KIFAP3: variants seen among roughly 807,000 people sequenced by gnomAD.
KIFAP3 encodes kinesin associated protein 3.
Under a neutral mutation model 106.5 loss-of-function variants are expected in KIFAP3, and 68 were observed. The ratio of observed to expected loss-of-function variants is 0.64; its 90% CI spans 0.53 to 0.78. The LOEUF is 0.78. KIFAP3 is among the 30% of genes least tolerant of loss of function. The pLI, the probability that KIFAP3 is intolerant of heterozygous loss-of-function variation, is 0.00. For synonymous variants in KIFAP3, 320 were observed against 311.5 expected (o/e 1.03, Z -0.29); for missense variants, 780 against 941.8 (o/e 0.83, Z 2.25).
chr1:170,016,055 C>G (rs919825524), intron 10 of KIFAP3, among the ~76,000 whole-genome samples: 4 of 151,868 alleles, frequency 2.6e-5, no homozygotes, highest in African/African-American at 7.3e-5. Flanking sequence ...AACTTAGTAA[C>G]AAAAAGTTTC....
At chr1:169,989,741 G>A (rs960391215) in intron 11 of KIFAP3, among the ~76,000 whole-genome samples, 1 of 151,958 alleles carries the variant, frequency 6.6e-6, no homozygotes, top group East Asian at 1.9e-4. Flanking sequence ...TGATATAAAA[G>A]TCTAAGAAAT....
At chr1:170,005,535 T>C (rs1439324599) in intron 10 of KIFAP3, among the ~76,000 whole-genome samples, 3 of 151,732 alleles carry the variant, frequency 2.0e-5, no homozygotes, top group Non-Finnish European at 4.4e-5. Flanking sequence ...CCATAAAAAA[T>C]GATGAGTTCA....
At chr1:169,988,777 A>G (rs1479117303) in intron 11 of KIFAP3, among the ~76,000 whole-genome samples, 1 of 152,016 alleles carries the variant, frequency 6.6e-6, no homozygotes, top group East Asian at 1.9e-4. Flanking sequence ...CTCTTTAAAT[A>G]TGTAAAATTT....
At chr1:170,080,095 A>G (rs957377632) in intron 1 of KIFAP3, among the ~76,000 whole-genome samples, 2 of 152,122 alleles carry the variant, frequency 1.3e-5, no homozygotes, top group Non-Finnish European at 2.9e-5. Flanking sequence ...TAAAGTTACT[A>G]CAAAAATCAA....
At chr1:169,946,835 G>A (rs1261812816) in intron 19 of KIFAP3, among the ~76,000 whole-genome samples, 1 of 151,764 alleles carries the variant, frequency 6.6e-6, no homozygotes, top group East Asian at 1.9e-4. Flanking sequence ...AAAAGTAATT[G>A]GGACAGCTAC....
At chr1:170,050,430 T>C (rs1022544070) in intron 2 of KIFAP3, among the ~76,000 whole-genome samples, 2 of 152,128 alleles carry the variant, frequency 1.3e-5, no homozygotes, top group South Asian at 2.1e-4. Flanking sequence ...CAGGATATTA[T>C]CCAGGAGAGC....
chr1:170,011,512 AATAT>A (rs1668240889), intron 10 of KIFAP3, among the ~76,000 whole-genome samples: 1 of 151,844 alleles, frequency 6.6e-6, no homozygotes, highest in African/African-American at 2.4e-5. Context: ...TATAATATGT[AATAT>A]ATAGACATAT....
chr1:169,996,489 A>C (rs1667378797), intron 10 of KIFAP3, among the ~76,000 whole-genome samples: 1 of 152,162 alleles, frequency 6.6e-6, no homozygotes, highest in East Asian at 1.9e-4. Context: ...AGTTTTTCTC[A>C]TTTAGACCTT....
upstream of KIFAP3, among the ~76,000 whole-genome samples, chr1:170,076,671 C>T (rs1671922790): frequency 6.6e-6 from 1 of 152,108 alleles, no homozygotes; most frequent in Non-Finnish European, 1.5e-5. Flanking sequence ...ATTTCACCTC[C>T]TTTTAACAAG....
intron 16 of KIFAP3, among the ~76,000 whole-genome samples, chr1:169,977,473 G>A (rs1040832567): frequency 2.6e-5 from 4 of 151,978 alleles, no homozygotes; most frequent in Admixed American, 6.6e-5. Flanking sequence ...TTAACGTTAC[G>A]GGCATTTTTT....
chr1:169,986,054 A>G (rs1269194246), intron 11 of KIFAP3, among the ~76,000 whole-genome samples: 1 of 151,660 alleles, frequency 6.6e-6, no homozygotes, highest in African/African-American at 2.4e-5. Context: ...AATTTATAAT[A>G]TAAAAACTTA....
chr1:170,083,244 G>T (rs1278107577), intron 1 of KIFAP3, among the ~76,000 whole-genome samples: 1 of 152,142 alleles, frequency 6.6e-6, no homozygotes, highest in Non-Finnish European at 1.5e-5. Context: ...ATTCATTACT[G>T]AAATTAGAGA....
At chr1:170,076,190 G>T (rs1419577491), upstream of KIFAP3, among the ~76,000 whole-genome samples, 1 of 152,060 alleles carries the variant, frequency 6.6e-6, no homozygotes, top group Non-Finnish European at 1.5e-5. Context: ...TTGAAAAAAT[G>T]CAAACCTGAG....
intron 10 of KIFAP3, among the ~76,000 whole-genome samples, chr1:170,011,636 G>A (rs1318145666): frequency 6.6e-6 from 1 of 151,768 alleles, no homozygotes; most frequent in East Asian, 1.9e-4. Context: ...TTTAACCTTA[G>A]GAAAAATATA....
intron 16 of KIFAP3, among the ~76,000 whole-genome samples, chr1:169,973,105 G>GTGTATGTATATATATATA (rs145406203): frequency 1.1e-5 from 1 of 90,314 alleles, no homozygotes; most frequent in South Asian, 4.6e-4. Context: ...AAAATAGTGT[G>GTGTATGTATATATATATA]TATATATATA....
At position 170,061,295 on chromosome 1, in the gene KIFAP3, T is replaced by G. The variant is rs1480979356; in HGVS notation, c.33-5859A>C. On this transcript the variant is annotated intron_variant, in intron 1 of 19. Coordinates refer to ENST00000361580, the MANE Select transcript of KIFAP3 (RefSeq NM_014970.4). Reference sequence around the variant, plus strand: ...AAGGGCTAATATCCAGAATCTACAATGAACTTAAACAAATTTACAAGAAAA... The same window carrying G: ...AAGGGCTAATATCCAGAATCTACAAGGAACTTAAACAAATTTACAAGAAAA... Among the ~76,000 whole-genome samples the G allele has an allele frequency of 2.0e-5, 3 of 150,012 alleles. No individual in the cohort carries two copies. In the Admixed American group the frequency reaches 2.0e-4, roughly 10 times the overall value.
At chr1:169,981,011 G>A (rs1271399303) in intron 15 of KIFAP3, among the ~76,000 whole-genome samples, 1 of 152,178 alleles carries the variant, frequency 6.6e-6, no homozygotes, top group African/African-American at 2.4e-5. Context: ...TGAGGCAGGA[G>A]AATCGCTTGA....
chr1:170,010,666 G>C (rs1379310323), intron 10 of KIFAP3, among the ~76,000 whole-genome samples: 1 of 151,848 alleles, frequency 6.6e-6, no homozygotes, highest in East Asian at 1.9e-4. Context: ...AAATGTTTCA[G>C]GAAACTGAGA....
rs1367724184 is a variant in KIFAP3, at chr1:170,055,426, C to A, written c.43G>T (p.Gly15Ter). 2.5e-6 allele frequency: 4 copies of A among 1,585,048 alleles called. No individual in the cohort carries two copies. Among genetic ancestry groups the A allele is most frequent in the Non-Finnish European group, 3.4e-6 (4 of 1,167,452 alleles). Reference protein sequence around the residue: ...DARYLKRKVKGGNIDVHPSEK... With the variant: ...DARYLKRKVK ...GATGGATGTACATCTATATTCCCTC[C>A]TTTAACTTTCCTATAATACAAAATT... Residue 15 changes from glycine (G) to a stop codon, truncating the protein, a stop_gained, in exon 2 of 20, where the codon GGA (glycine) becomes TGA (stop). Transcript: ENST00000361580. LOFTEE classifies it high-confidence loss of function.
Sources: allele counts gnomAD v4.1 joint callset (sites outside exome capture counted in the v4.1 genomes callset), GRCh38; gene constraint gnomAD v4.1.1; transcripts MANE v1.5; gene names NCBI Gene and HGNC (gene_info 2026-07-23, HGNC 2026-07-21).